EPB41L5: variants seen among roughly 807,000 people sequenced by gnomAD.
The protein encoded by EPB41L5 is erythrocyte membrane protein band 4.1 like 5, also known as band 4.1-like protein 5.
In EPB41L5, 55 loss-of-function variants were observed where a neutral mutation model predicts 106.6. That is an observed-to-expected ratio of 0.52 (90% CI 0.42 to 0.65). EPB41L5 has a LOEUF of 0.65. Among genes scored for constraint, EPB41L5 ranks in the 30% least tolerant of loss-of-function variants. The probability of loss-of-function intolerance (pLI) is 0.00; values close to 1 mark genes in which losing one functional copy is unlikely to be tolerated. For synonymous variants in EPB41L5, 297 were observed against 306.7 expected, an observed-to-expected ratio of 0.97 and a Z score of 0.33; for missense variants, 871 against 882.1, an observed-to-expected ratio of 0.99 and a Z score of 0.16.
At chr2:120,074,985 C>A (rs1682128810) in intron 5 of EPB41L5, among the ~76,000 whole-genome samples, 1 of 152,126 alleles carries the variant, frequency 6.6e-6, no homozygotes, top group African/African-American at 2.4e-5. Context: ...CGTGCTCACA[C>A]CCCCAGCCAA....
At chr2:120,134,296 A>C (rs1213473228) in intron 18 of EPB41L5, among the ~76,000 whole-genome samples, 1 of 152,088 alleles carries the variant, frequency 6.6e-6, no homozygotes, top group African/African-American at 2.4e-5. Context: ...GTAGATTCCT[A>C]CAGTTCCCAA....
chr2:120,102,521 C>CT (rs1452310489), intron 16 of EPB41L5, among the ~76,000 whole-genome samples: 1 of 152,050 alleles, frequency 6.6e-6, no homozygotes, highest in Non-Finnish European at 1.5e-5. Context: ...GCATTTCATT[C>CT]TTTTTTCTGC....
chr2:120,110,357 G>C (rs927358962), intron 16 of EPB41L5, among the ~76,000 whole-genome samples: 1 of 152,076 alleles, frequency 6.6e-6, no homozygotes, highest in Non-Finnish European at 1.5e-5. Flanking sequence ...TCTGTTTAAG[G>C]AACTTTCCCG....
chr2:120,113,806 T>C (rs1684831116), intron 16 of EPB41L5, among the ~76,000 whole-genome samples: 1 of 152,252 alleles, frequency 6.6e-6, no homozygotes, highest in African/African-American at 2.4e-5. Context: ...GTATGGTGTT[T>C]TCAAGGTCAT....
At chr2:120,047,078 A>G (rs1380924030) in intron 3 of EPB41L5, among the ~76,000 whole-genome samples, 2 of 151,960 alleles carry the variant, frequency 1.3e-5, no homozygotes, top group Non-Finnish European at 2.9e-5. Flanking sequence ...GTAGTATGGT[A>G]TGAAGTCAGG....
At chr2:120,106,644 A>C (rs1684468536) in intron 16 of EPB41L5, 1 of 984,292 alleles carries the variant, frequency 1.0e-6, no homozygotes, top group African/African-American at 1.7e-5. Context: ...AATTTTATTT[A>C]ACTTAATTAA....
At chr2:120,056,746 A>AT (rs1302086217) in intron 3 of EPB41L5, among the ~76,000 whole-genome samples, 6 of 142,426 alleles carry the variant, frequency 4.2e-5, no homozygotes, top group South Asian at 4.4e-4. Context: ...CCCCTCTTGT[A>AT]TTTTTTTGGA....
rs536505066 is a variant in EPB41L5 at position 120,115,001 on chromosome 2, A to G, written c.1338-12687A>G. 5.8e-4 allele frequency among the ~76,000 whole-genome samples: 88 copies of G among 152,220 alleles called. No homozygotes were observed. In the South Asian group the frequency reaches 0.018, roughly 30 times the overall value. ...TTTTCTTGATGATTTTCCTTTTGTCATTGTAAAATGTCCTTCTTTGTCTTT... is the reference window on the plus strand; with the variant it reads ...TTTTCTTGATGATTTTCCTTTTGTCGTTGTAAAATGTCCTTCTTTGTCTTT... On this transcript the variant is annotated intron_variant, in intron 16 of 24. Coordinates refer to ENST00000263713, the MANE Select transcript of EPB41L5 (RefSeq NM_020909.4).
At chr2:120,128,707 G>C (rs947475409) in intron 17 of EPB41L5, among the ~76,000 whole-genome samples, 2 of 150,482 alleles carry the variant, frequency 1.3e-5, no homozygotes, top group Admixed American at 6.6e-5. Context: ...GGTACATCAT[G>C]GTTTTTTTTT....
intron 21 of EPB41L5, among the ~76,000 whole-genome samples, chr2:120,163,982 T>TTTTTTTTC (rs1687273338): frequency 1.1e-5 from 1 of 87,348 alleles, no homozygotes; most frequent in East Asian, 3.0e-4. Flanking sequence ...TGTATTTACT[T>TTTTTTTTC]TTTTTTTTTT....
intron 3 of EPB41L5, among the ~76,000 whole-genome samples, chr2:120,063,835 A>G (rs1218016517): frequency 1.3e-5 from 2 of 151,886 alleles, no homozygotes; most frequent in African/African-American, 4.8e-5. Context: ...CCAGCTACTC[A>G]GGAGTCTGAG....
intron 24 of EPB41L5, 59 bp downstream of exon 24, chr2:120,168,066 T>C (rs1473015088): frequency 3.8e-6 from 6 of 1,567,820 alleles, no homozygotes; most frequent in Non-Finnish European, 5.2e-6. Flanking sequence ...AAAAAAATAA[T>C]AAAACTTATT....
chr2:120,019,283 GCT>G lies in EPB41L5; in HGVS notation c.180+21_180+22del. 1.9e-6 allele frequency: 3 copies of G among 1,592,700 alleles called. No homozygotes were observed. Among genetic ancestry groups the G allele is most frequent in the Non-Finnish European group, 1.7e-6 (2 of 1,170,802 alleles). ...CTTGCCAGTAAGTAGGTCTTGCTGA[GCT>G]CCAAATTCTGTTTGCGATTACTGTC... On this transcript the variant is annotated intron_variant, in intron 2 of 24. Coordinates refer to ENST00000263713, the MANE Select transcript of EPB41L5 (RefSeq NM_020909.4).
intron 2 of EPB41L5, among the ~76,000 whole-genome samples, chr2:120,024,152 A>G (rs1471976305): frequency 6.6e-6 from 1 of 152,120 alleles, no homozygotes; most frequent in Non-Finnish European, 1.5e-5. Flanking sequence ...CTCTCTTCCC[A>G]TCTGAATACG....
intron 3 of EPB41L5, among the ~76,000 whole-genome samples, chr2:120,049,339 T>G (rs1402124515): frequency 1.3e-5 from 2 of 152,306 alleles, no homozygotes; most frequent in Middle Eastern, 3.4e-3. Flanking sequence ...TATGTATCTG[T>G]GTTCTCCTGT....
At position 120,069,128 on chromosome 2, in the gene EPB41L5, C is replaced by CAAAAAAA. The variant is rs539813602; in HGVS notation, c.286-4017_286-4011dup. Among the ~76,000 whole-genome samples, 57 of 79,526 alleles carry CAAAAAAA rather than the reference C, an allele frequency of 7.2e-4. 1 individual carries two copies. Among genetic ancestry groups the CAAAAAAA allele is most frequent in the Non-Finnish European group, 9.6e-4 (42 of 43,790 alleles). The allele number at this position is 79,526 out of a possible 152,430, so 52.2% of individuals were successfully genotyped here. On this transcript the variant is annotated intron_variant, in intron 3 of 24. Transcript: ENST00000263713. Reference sequence around the variant, plus strand: ...GGGCAACAAGAGTGAAACTCTGTCTCAAAAAAAAAAAAAAAAAAAAAAAAA... The same window carrying CAAAAAAA: ...GGGCAACAAGAGTGAAACTCTGTCTCAAAAAAAAAAAAAAAAAAAAAAAAAAAAAAAA...
At chr2:120,154,890 C>T (rs1686836242) in intron 20 of EPB41L5, among the ~76,000 whole-genome samples, 1 of 151,954 alleles carries the variant, frequency 6.6e-6, no homozygotes, top group Non-Finnish European at 1.5e-5. Context: ...CGTGCCACTG[C>T]AGTCCAGCCT....
At chr2:120,038,708 G>A (rs1349896670) in intron 2 of EPB41L5, among the ~76,000 whole-genome samples, 1 of 152,142 alleles carries the variant, frequency 6.6e-6, no homozygotes, top group African/African-American at 2.4e-5. Flanking sequence ...GAGCCTAGAT[G>A]ATGCCTTTGC....
chr2:120,083,751 C>A (rs1159108285), intron 10 of EPB41L5, among the ~76,000 whole-genome samples: 1 of 152,104 alleles, frequency 6.6e-6, no homozygotes, highest in African/African-American at 2.4e-5. Flanking sequence ...CTTTGTAGGT[C>A]TCTAAGCACT....
Sources: gnomAD v4.1 joint callset for allele counts (sites outside exome capture counted in the v4.1 genomes callset) on GRCh38, gnomAD v4.1.1 for gene constraint, MANE v1.5 for transcripts, NCBI Gene and HGNC (gene_info 2026-07-23, HGNC 2026-07-21) for gene names.